The following ERBB4 variants were observed in gnomAD, a reference collection of about 807,000 sequenced individuals.
The protein encoded by ERBB4 is erb-b2 receptor tyrosine kinase 4.
Under a neutral mutation model 158.0 loss-of-function variants are expected in ERBB4, and 42 were observed. The ratio of observed to expected loss-of-function variants is 0.27; its 90% CI spans 0.21 to 0.34. The LOEUF (loss-of-function observed/expected upper bound fraction) is 0.34, where lower values mean the gene tolerates loss of function less well. ERBB4 is among the 10% of genes least tolerant of loss of function. The pLI, the probability that ERBB4 is intolerant of heterozygous loss-of-function variation, is 1.00. For synonymous variants in ERBB4, 583 were observed against 558.7 expected (o/e 1.04, Z -0.61); for missense variants, 1,333 against 1,624.1 (o/e 0.82, Z 3.08).
At chr2:212,408,914 A>C (rs1201741664) in intron 1 of ERBB4, among the ~76,000 whole-genome samples, 1 of 152,208 alleles carries the variant, frequency 6.6e-6, no homozygotes, top group Non-Finnish European at 1.5e-5. Flanking sequence ...CAGCAGCAGC[A>C]ATGCCAGAAA....
At chr2:211,641,543 T>C (rs1271745273) in intron 16 of ERBB4, among the ~76,000 whole-genome samples, 1 of 152,062 alleles carries the variant, frequency 6.6e-6, no homozygotes, top group Non-Finnish European at 1.5e-5. Flanking sequence ...CTTAATGCCA[T>C]CCCCCATTTG....
intron 2 of ERBB4, among the ~76,000 whole-genome samples, chr2:212,029,191 C>A (rs1575537572): frequency 6.6e-6 from 1 of 152,144 alleles, no homozygotes; most frequent in African/African-American, 2.4e-5. Context: ...CCCTGAGCTA[C>A]TACTCCCTGC....
At chr2:212,216,173 T>C (rs1363380204) in intron 1 of ERBB4, among the ~76,000 whole-genome samples, 2 of 151,420 alleles carry the variant, frequency 1.3e-5, no homozygotes, top group African/African-American at 4.8e-5. Context: ...CATATTATTT[T>C]ATGATAATCC....
intron 1 of ERBB4, among the ~76,000 whole-genome samples, chr2:212,330,907 T>C (rs1316000981): frequency 6.6e-6 from 1 of 151,110 alleles, no homozygotes; most frequent in Non-Finnish European, 1.5e-5. Context: ...CATATATATA[T>C]GGCTCAGTGA....
chr2:211,904,461 T>C lies in ERBB4; in HGVS notation c.421+42969A>G, dbSNP rs191009575. Among the ~76,000 whole-genome samples the C allele has an allele frequency of 8.2e-3, 1,249 of 152,192 alleles. 9 individuals carry two copies. The highest frequency in any genetic ancestry group is 0.017 in the Admixed American group (265 of 15,272). On this transcript the variant is annotated intron_variant, in intron 3 of 27. Coordinates refer to ENST00000342788, the MANE Select transcript of ERBB4 (RefSeq NM_005235.3). ...TGCTTACTAATGGAACTTTAGCAAA[T>C]TACCTTAATATTTTTGTATCTCCAT...
chr2:211,501,870 T>C (rs955122503), intron 20 of ERBB4, among the ~76,000 whole-genome samples: 11 of 152,234 alleles, frequency 7.2e-5, no homozygotes, highest in Admixed American at 1.3e-4. Context: ...TATAAAGCAA[T>C]GCCTTCATGG....
At chr2:212,536,119 C>T (rs1693043871) in intron 1 of ERBB4, among the ~76,000 whole-genome samples, 1 of 152,180 alleles carries the variant, frequency 6.6e-6, no homozygotes, top group African/African-American at 2.4e-5. Context: ...AAAACAAACT[C>T]CTCCAAACTG....
chr2:211,641,659 T>C (rs2070596838), intron 16 of ERBB4, among the ~76,000 whole-genome samples: 1 of 152,178 alleles, frequency 6.6e-6, no homozygotes, highest in Non-Finnish European at 1.5e-5. Flanking sequence ...CATATTCTTT[T>C]ATAATTTGGT....
At chr2:211,755,778 C>A (rs1350542470) in intron 4 of ERBB4, among the ~76,000 whole-genome samples, 1 of 152,074 alleles carries the variant, frequency 6.6e-6, no homozygotes, top group African/African-American at 2.4e-5. Flanking sequence ...ATTTGTGTGA[C>A]CACCTGCATG....
In ERBB4 at chr2:211,559,479, C is replaced by G. The variant is rs114224738; in HGVS notation, c.2487+2424G>C. On this transcript the variant is annotated intron_variant, in intron 20 of 27. Coordinates refer to ENST00000342788, the MANE Select transcript of ERBB4 (RefSeq NM_005235.3). ...TGTTGTCCTGGCATAACTAGTAATA[C>G]AGTCTCCTTTCATGCCTAAAATTAT... is the stretch of plus-strand genomic sequence containing the variant. Among the ~76,000 whole-genome samples the G allele has an allele frequency of 3.3e-3, 497 of 152,270 alleles. 3 individuals carry two copies. The highest frequency in any genetic ancestry group is 0.011 in the African/African-American group (470 of 41,554).
chr2:212,233,095 A>G (rs1242301101), intron 1 of ERBB4, among the ~76,000 whole-genome samples: 1 of 152,216 alleles, frequency 6.6e-6, no homozygotes, highest in Non-Finnish European at 1.5e-5. Flanking sequence ...AATATTCAGG[A>G]CATGCTATTG....
At chr2:211,912,457 T>C (rs2079563524) in intron 3 of ERBB4, among the ~76,000 whole-genome samples, 2 of 152,154 alleles carry the variant, frequency 1.3e-5, no homozygotes, top group Non-Finnish European at 2.9e-5. Context: ...ACTGTATTCT[T>C]AAGCTATAAC....
chr2:212,317,600 C>A (rs2087349814), intron 1 of ERBB4, among the ~76,000 whole-genome samples: 2 of 151,568 alleles, frequency 1.3e-5, no homozygotes, highest in South Asian at 2.1e-4. Context: ...ATGTATTTCA[C>A]CCTAAACATT....
chr2:212,211,399 G>T (rs1003295689), intron 1 of ERBB4, among the ~76,000 whole-genome samples: 1 of 152,070 alleles, frequency 6.6e-6, no homozygotes, highest in African/African-American at 2.4e-5. Context: ...CAGCTTTCAA[G>T]GTTGCAATTA....
At chr2:212,438,814 G>C (rs1181394432) in intron 1 of ERBB4, among the ~76,000 whole-genome samples, 1 of 152,082 alleles carries the variant, frequency 6.6e-6, no homozygotes, top group African/African-American at 2.4e-5. Context: ...CCAGAAGAAT[G>C]AATGTATAGC....
At chr2:211,848,422 C>A (rs1054984708) in intron 3 of ERBB4, among the ~76,000 whole-genome samples, 1 of 152,044 alleles carries the variant, frequency 6.6e-6, no homozygotes, top group Admixed American at 6.6e-5. Context: ...TCTAGTCTAG[C>A]CTAATGGAGT....
intron 23 of ERBB4, 129 bp from the exon 24 acceptor site, chr2:211,422,233 C>A (rs1469412929): frequency 5.7e-5 from 36 of 632,236 alleles, no homozygotes; most frequent in East Asian, 9.4e-5. Flanking sequence ...AGAAAGAAAG[C>A]AAGCTAGTGA....
intron 13 of ERBB4, among the ~76,000 whole-genome samples, chr2:211,677,485 C>T (rs2072123755): frequency 6.6e-6 from 1 of 151,138 alleles, no homozygotes; most frequent in African/African-American, 2.4e-5. Context: ...ATTGCTTGAA[C>T]CTGGGAGGTG....
intron 20 of ERBB4, among the ~76,000 whole-genome samples, chr2:211,523,656 C>T (rs964824372): frequency 4.0e-5 from 6 of 151,792 alleles, no homozygotes; most frequent in African/African-American, 7.2e-5. Context: ...CTCGTGGTCC[C>T]GCCGGCTTCA....
Sources: allele counts gnomAD v4.1 joint callset (sites outside exome capture counted in the v4.1 genomes callset), GRCh38; gene constraint gnomAD v4.1.1; transcripts MANE v1.5; gene names NCBI Gene and HGNC (gene_info 2026-07-23, HGNC 2026-07-21).